Variants in TMEM51 observed in about 807,000 individuals in gnomAD.
TMEM51 encodes the protein chromosome 1 open reading frame 72.
TMEM51 carries 8 observed loss-of-function variants against 13.6 expected under a neutral mutation model. That is an observed-to-expected ratio of 0.59 (90% CI 0.35 to 1.07). TMEM51 has a LOEUF of 1.07. Among genes scored for constraint, TMEM51 ranks in the 50% least tolerant of loss-of-function variants. The pLI is 0.02. For missense variants in TMEM51, 279 were observed against 330.7 expected, an observed-to-expected ratio of 0.84 and a Z score of 1.21; for synonymous variants, 147 against 144.4, an observed-to-expected ratio of 1.02 and a Z score of -0.13.
chr1:15,199,702 A>G (rs1476356895), intron 1 of TMEM51, among the ~76,000 whole-genome samples: 4 of 152,146 alleles, frequency 2.6e-5, no homozygotes, highest in Non-Finnish European at 5.9e-5. Flanking sequence ...CTGAAATGAT[A>G]TACTTTCCCT....
chr1:15,197,350 G>A (rs1644069950), intron 1 of TMEM51, among the ~76,000 whole-genome samples: 1 of 152,146 alleles, frequency 6.6e-6, no homozygotes, highest in Non-Finnish European at 1.5e-5. Context: ...GGTTAGGAGT[G>A]CCTGCTGGGC....
At chr1:15,167,123 C>T (rs925391981) in intron 1 of TMEM51, among the ~76,000 whole-genome samples, 1 of 151,898 alleles carries the variant, frequency 6.6e-6, no homozygotes. Flanking sequence ...GTCAGGAGAT[C>T]GAGACCATCC....
rs559186573 is a variant in TMEM51 at position 15,212,546 on chromosome 1, A to C, written c.-194+1984A>C. Among the ~76,000 whole-genome samples, 7 of 151,630 alleles carry C rather than the reference A, an allele frequency of 4.6e-5. No homozygotes were observed. The East Asian group carries it at 1.2e-3, about 25-fold the overall frequency. On this transcript the variant is annotated intron_variant, in intron 2 of 3. Coordinates refer to ENST00000376008, the MANE Select transcript of TMEM51 (RefSeq NM_001136218.2). ...GTGCTCAGAACGTGGTATTTTCATC[A>C]CTCCTGCTTCCAGCACAACCCCCTG...
chr1:15,158,701 T>A (rs1007390581), intron 1 of TMEM51, among the ~76,000 whole-genome samples: 2 of 152,090 alleles, frequency 1.3e-5, no homozygotes. Flanking sequence ...TGGGGCGGGG[T>A]CTCTGTCTCT....
intron 1 of TMEM51, among the ~76,000 whole-genome samples, chr1:15,193,575 CTTTTTTTTT>C (rs3078881): frequency 8.7e-6 from 1 of 114,656 alleles, no homozygotes; most frequent in Admixed American, 8.9e-5. Context: ...TTCTTTCTTT[CTTTTTTTTT>C]TTTTTTTTTT....
intron 1 of TMEM51, among the ~76,000 whole-genome samples, chr1:15,184,329 C>G (rs1643706993): frequency 6.6e-6 from 1 of 152,188 alleles, no homozygotes; most frequent in Non-Finnish European, 1.5e-5. Flanking sequence ...CTGGCCTTGC[C>G]TTTCTCACCA....
chr1:15,188,876 A>C (rs1443164898), intron 1 of TMEM51, among the ~76,000 whole-genome samples: 1 of 152,094 alleles, frequency 6.6e-6, no homozygotes, highest in South Asian at 2.1e-4. Flanking sequence ...GGATGATTCC[A>C]TTACAAAGAT....
At chr1:15,190,158 G>A (rs1557845614) in intron 1 of TMEM51, among the ~76,000 whole-genome samples, 2 of 152,180 alleles carry the variant, frequency 1.3e-5, no homozygotes, top group African/African-American at 2.4e-5. Context: ...GGGTTCAGAG[G>A]ATGGACTCTG....
At position 15,214,912 on chromosome 1, in the gene TMEM51, A is replaced by T; in HGVS notation, c.-176A>T. 3.2e-6 allele frequency: 2 copies of T among 620,054 alleles called. No homozygotes were observed. The highest frequency in any genetic ancestry group is 5.5e-6 in the Non-Finnish European group (2 of 361,154). The allele number at this position is 620,054 out of a possible 1,614,324, so 38.4% of individuals were successfully genotyped here. ...CCTTCCAGGCCCTTCCACCGCAGCC[A>T]TCCGCACGGGAGGCCTCGCGATTGC... is the stretch of plus-strand genomic sequence containing the variant. On this transcript the variant is annotated 5_prime_UTR_variant, in exon 3 of 4. Transcript: ENST00000376008.
intron 1 of TMEM51, among the ~76,000 whole-genome samples, chr1:15,189,893 A>T (rs1484382391): frequency 6.6e-6 from 1 of 152,260 alleles, no homozygotes; most frequent in African/African-American, 2.4e-5. Flanking sequence ...GGCTAACCCA[A>T]GGTGGCAGAG....
At chr1:15,170,853 C>G (rs1643240639) in intron 1 of TMEM51, among the ~76,000 whole-genome samples, 1 of 151,742 alleles carries the variant, frequency 6.6e-6, no homozygotes, top group Admixed American at 6.6e-5. Context: ...CTCAGCCTCC[C>G]AAGCAGCTGG....
intron 1 of TMEM51, among the ~76,000 whole-genome samples, chr1:15,167,340 A>C (rs1484880442): frequency 2.1e-5 from 3 of 143,908 alleles, no homozygotes; most frequent in Non-Finnish European, 4.4e-5. Context: ...AAAAAAAAAA[A>C]AAAAAAAAAA....
rs1053128711 is a variant in TMEM51 at position 15,163,890 on chromosome 1, G to A, written c.-267+9936G>A. Among the ~76,000 whole-genome samples, 11 of 151,398 alleles carry A rather than the reference G, an allele frequency of 7.3e-5. No individual in the cohort carries two copies. In the South Asian group the frequency reaches 1.3e-3, roughly 17 times the overall value. ...GTTACCCAGGCTGGAGTACAGTGGC[G>A]TGGTCTCGGCTCACAGCAACCTCCA... On this transcript the variant is annotated intron_variant, in intron 1 of 3. Coordinates refer to ENST00000376008, the MANE Select transcript of TMEM51 (RefSeq NM_001136218.2).
At chr1:15,183,788 C>T (rs1643688727) in intron 1 of TMEM51, among the ~76,000 whole-genome samples, 3 of 152,160 alleles carry the variant, frequency 2.0e-5, no homozygotes, top group African/African-American at 7.2e-5. Flanking sequence ...CCAAAACCAG[C>T]AAGATGCTGA....
intron 1 of TMEM51, among the ~76,000 whole-genome samples, chr1:15,189,617 G>A (rs1322700036): frequency 1.3e-5 from 2 of 152,198 alleles, no homozygotes; most frequent in African/African-American, 4.8e-5. Flanking sequence ...CTTGCAGGAG[G>A]ATGATCTGGT....
In TMEM51 at chr1:15,165,935, C is replaced by CA. The variant is rs1468662425; in HGVS notation, c.-267+11990dup. 1.1e-3 allele frequency among the ~76,000 whole-genome samples: 165 copies of CA among 150,056 alleles called. 1 individual carries two copies. The highest frequency in any genetic ancestry group is 3.8e-3 in the African/African-American group (157 of 40,892). Reference sequence around the variant, plus strand: ...CCTGGGTGACAGTGAGATTTCATCTCAAAAAAAAAGTTAGGGTTATAAAAC... The same window carrying CA: ...CCTGGGTGACAGTGAGATTTCATCTCAAAAAAAAAAGTTAGGGTTATAAAAC... On this transcript the variant is annotated intron_variant, in intron 1 of 3. Coordinates refer to ENST00000376008, the MANE Select transcript of TMEM51 (RefSeq NM_001136218.2).
At chr1:15,158,553 C>T (rs992474248) in intron 1 of TMEM51, among the ~76,000 whole-genome samples, 3 of 152,220 alleles carry the variant, frequency 2.0e-5, no homozygotes, top group African/African-American at 7.2e-5. Context: ...AGTTGCAGGT[C>T]TCTAGAAAAA....
chr1:15,188,597 C>T (rs1573414155), intron 1 of TMEM51, among the ~76,000 whole-genome samples: 1 of 152,378 alleles, frequency 6.6e-6, no homozygotes, highest in East Asian at 1.9e-4. Context: ...TCCAGAAAGA[C>T]AGTAGCATTC....
chr1:15,175,251 T>C (rs1398108954), intron 1 of TMEM51, among the ~76,000 whole-genome samples: 1 of 151,994 alleles, frequency 6.6e-6, no homozygotes, highest in Non-Finnish European at 1.5e-5. Context: ...AATACAAAAA[T>C]TAGCTGGACG....
Sources: gnomAD v4.1 joint callset for allele counts (sites outside exome capture counted in the v4.1 genomes callset) on GRCh38, gnomAD v4.1.1 for gene constraint, MANE v1.5 for transcripts, NCBI Gene and HGNC (gene_info 2026-07-23, HGNC 2026-07-21) for gene names.